The following TAFA4 variants were observed in gnomAD, a reference collection of about 807,000 sequenced individuals.
TAFA4 encodes TAFA chemokine like family member 4.
Under a neutral mutation model 21.1 loss-of-function variants are expected in TAFA4, and 20 were observed. That is an observed-to-expected ratio of 0.95 (90% confidence interval 0.67 to 1.38). The LOEUF (loss-of-function observed/expected upper bound fraction) is 1.38, where lower values mean the gene tolerates loss of function less well. TAFA4 is among the 40% of genes most tolerant of loss of function. TAFA4 has a pLI of 0.00. For missense variants in TAFA4, 211 were observed against 180.9 expected (o/e 1.17, Z -0.95); for synonymous variants, 71 against 67.4 (o/e 1.05, Z -0.26).
chr3:68,931,775 TG>T (rs2107043497), intron 1 of TAFA4, among the ~76,000 whole-genome samples: 1 of 9,038 alleles, frequency 1.1e-4, no homozygotes, highest in African/African-American at 4.8e-4. Context: ...AGGGTGGGGG[TG>T]GGGGCGGGGG....
chr3:68,841,089 C>T (rs1468997753), intron 3 of TAFA4, among the ~76,000 whole-genome samples: 1 of 73,160 alleles, frequency 1.4e-5, no homozygotes, highest in Non-Finnish European at 3.7e-5. Context: ...TTTGGGAGGC[C>T]GAGGCGGGCG....
Position 68,839,692 on chromosome 3 carries a change from C to T in TAFA4, c.130+41038G>A, listed in dbSNP as rs985567232. On this transcript the variant is annotated intron_variant, in intron 3 of 5. Transcript: ENST00000295569. ...CTGGAGCTCTGCTTTCCAACCTCTTCTTAATCCATTAGAGGAGTTAACTTT... is the reference window on the plus strand; with the variant it reads ...CTGGAGCTCTGCTTTCCAACCTCTTTTTAATCCATTAGAGGAGTTAACTTT... Among the ~76,000 whole-genome samples, 7 of 152,176 alleles carry T rather than the reference C, an allele frequency of 4.6e-5. No homozygotes were observed. In the East Asian group the frequency reaches 1.3e-3, roughly 29 times the overall value.
At chr3:68,799,030 T>G (rs1703513967) in intron 3 of TAFA4, among the ~76,000 whole-genome samples, 1 of 152,202 alleles carries the variant, frequency 6.6e-6, no homozygotes, top group Non-Finnish European at 1.5e-5. Context: ...AATGCTTTAC[T>G]TTCTAGGTGA....
At chr3:68,917,522 A>G (rs2090014833) in intron 1 of TAFA4, among the ~76,000 whole-genome samples, 1 of 152,032 alleles carries the variant, frequency 6.6e-6, no homozygotes, top group African/African-American at 2.4e-5. Context: ...TGGGAGGCCG[A>G]GGCAGGCAGA....
At chr3:68,809,615 C>T (rs866870904) in intron 3 of TAFA4, among the ~76,000 whole-genome samples, 1 of 150,692 alleles carries the variant, frequency 6.6e-6, no homozygotes, top group African/African-American at 2.4e-5. Flanking sequence ...TCTGGGATCA[C>T]AGCCAAAAAA....
intron 3 of TAFA4, among the ~76,000 whole-genome samples, chr3:68,815,497 G>A (rs1703953696): frequency 6.6e-6 from 1 of 151,990 alleles, no homozygotes; most frequent in Non-Finnish European, 1.5e-5. Context: ...TCAAAAAGTG[G>A]GCAAAGGATA....
chr3:68,744,011 T>C (rs1702406168), intron 4 of TAFA4, among the ~76,000 whole-genome samples: 1 of 152,216 alleles, frequency 6.6e-6, no homozygotes. Context: ...AAATACCATC[T>C]GCAGGACTAG....
chr3:68,849,069 T>C (rs1012582283), intron 3 of TAFA4, among the ~76,000 whole-genome samples: 2 of 152,176 alleles, frequency 1.3e-5, no homozygotes, highest in East Asian at 3.8e-4. Context: ...CTGATAAAAA[T>C]ACAATGATAA....
chr3:68,767,328 T>C (rs1702873656), intron 3 of TAFA4, among the ~76,000 whole-genome samples: 1 of 152,050 alleles, frequency 6.6e-6, no homozygotes, highest in South Asian at 2.1e-4. Context: ...GACTCAGTTT[T>C]TCAACTAGCC....
chr3:68,785,982 C>G (rs1703252365), intron 3 of TAFA4, among the ~76,000 whole-genome samples: 1 of 152,218 alleles, frequency 6.6e-6, no homozygotes, highest in Admixed American at 6.5e-5. Flanking sequence ...AGTACTCTTT[C>G]ACAATACCAA....
chr3:68,919,393 G>C (rs1202224813), intron 1 of TAFA4, among the ~76,000 whole-genome samples: 1 of 152,106 alleles, frequency 6.6e-6, no homozygotes, highest in Non-Finnish European at 1.5e-5. Context: ...TTCAGCTCAA[G>C]AGTCTCGAGC....
In TAFA4 at chr3:68,752,777, G is replaced by C. The variant is rs1702579888; in HGVS notation, c.286+86C>G. 3 of 1,552,032 alleles carry C rather than the reference G, an allele frequency of 1.9e-6. No homozygotes were observed. The Admixed American group carries it at 5.1e-5, about 26-fold the overall frequency. On this transcript the variant is annotated intron_variant, in intron 4 of 5. Transcript: ENST00000295569. ...TCTCAAAGCAACCCTAGGTTTCTTT[G>C]GGTTGCAAAGACAGTAAAGTAGGGA...
Position 68,731,807 on chromosome 3 carries a change from A to G in TAFA4, c.*1335T>C, listed in dbSNP as rs1009432746. On this transcript the variant is annotated 3_prime_UTR_variant, in exon 6 of 6. Transcript: ENST00000295569. ...AATTTTTTTACTTATTCATATGATCATAACAAATATTCAAAAATTACGCCA... is the reference window on the plus strand; with the variant it reads ...AATTTTTTTACTTATTCATATGATCGTAACAAATATTCAAAAATTACGCCA... 4 of 152,150 alleles carry G rather than the reference A, an allele frequency of 2.6e-5. No homozygotes were observed. Among genetic ancestry groups the G allele is most frequent in the Non-Finnish European group, 4.4e-5 (3 of 68,008 alleles). The allele number at this position is 152,150 out of a possible 1,614,324, so 9.4% of individuals were successfully genotyped here.
intron 4 of TAFA4, among the ~76,000 whole-genome samples, chr3:68,749,940 A>G (rs561050843): frequency 6.0e-4 from 92 of 152,358 alleles, no homozygotes; most frequent in Middle Eastern, 3.4e-3. Flanking sequence ...ATATCTATCT[A>G]CACAGGTTAT....
At chr3:68,803,962 A>G (rs2106831886) in intron 3 of TAFA4, among the ~76,000 whole-genome samples, 1 of 151,608 alleles carries the variant, frequency 6.6e-6, no homozygotes, top group African/African-American at 2.4e-5. Flanking sequence ...TAATTTTTGT[A>G]TTTTTAGTAG....
chr3:68,885,467 C>A (rs888527061), intron 1 of TAFA4, among the ~76,000 whole-genome samples, 157 bp from the exon 2 acceptor site: 1 of 152,102 alleles, frequency 6.6e-6, no homozygotes, highest in African/African-American at 2.4e-5. Flanking sequence ...TGTAAGGTGT[C>A]CTACTATTAG....
chr3:68,875,395 C>T (rs1412772539), intron 3 of TAFA4, among the ~76,000 whole-genome samples: 2 of 152,178 alleles, frequency 1.3e-5, no homozygotes, highest in African/African-American at 4.8e-5. Flanking sequence ...GCAAAAGCTC[C>T]CCAGGGAGAG....
chr3:68,817,827 T>C (rs1230383544), intron 3 of TAFA4, among the ~76,000 whole-genome samples: 3 of 152,144 alleles, frequency 2.0e-5, no homozygotes, highest in African/African-American at 7.2e-5. Context: ...ACTATAAAGA[T>C]ATGTGCTGTC....
chr3:68,872,984 C>T (rs1224122794), intron 3 of TAFA4, among the ~76,000 whole-genome samples: 1 of 152,038 alleles, frequency 6.6e-6, no homozygotes, highest in African/African-American at 2.4e-5. Context: ...ATATTTACAC[C>T]ATTTATTTGC....
Sources: allele counts gnomAD v4.1 joint callset (sites outside exome capture counted in the v4.1 genomes callset), GRCh38; gene constraint gnomAD v4.1.1; transcripts MANE v1.5; gene names NCBI Gene and HGNC (gene_info 2026-07-23, HGNC 2026-07-21).